ADAMTS18: variants seen among roughly 807,000 people sequenced by gnomAD.
ADAMTS18 encodes A disintegrin and metalloproteinase with thrombospondin motifs 18.
ADAMTS18 carries 157 observed loss-of-function variants against 165.9 expected under a neutral mutation model. The observed-to-expected ratio is 0.95, with a 90% CI of 0.83 to 1.08. The LOEUF is 1.08. ADAMTS18 is among the 50% of genes least tolerant of loss of function. The pLI is 0.00. For synonymous variants in ADAMTS18, 782 were observed against 578.2 expected (o/e 1.35, Z -5.06); for missense variants, 2,040 against 1,534.0 (o/e 1.33, Z -5.51).
intron 3 of ADAMTS18, among the ~76,000 whole-genome samples, chr16:77,427,864 G>C (rs16945691): frequency 0.014 from 2,202 of 152,266 alleles, 54 homozygotes; most frequent in African/African-American, 0.05. Flanking sequence ...AAGGCTAACA[G>C]TCTGCTAGCA....
chr16:77,362,594 T>C (rs1396969879), intron 6 of ADAMTS18, among the ~76,000 whole-genome samples: 2 of 152,208 alleles, frequency 1.3e-5, no homozygotes, highest in Non-Finnish European at 2.9e-5. Flanking sequence ...AAATTAATGA[T>C]GAAGTTCAAT....
intron 3 of ADAMTS18, among the ~76,000 whole-genome samples, chr16:77,378,471 T>C (rs934116190): frequency 2.6e-4 from 40 of 152,076 alleles, no homozygotes; most frequent in African/African-American, 8.9e-4. Flanking sequence ...TCCCAGCATG[T>C]TGGGAGGCTG....
chr16:77,342,186 C>A (rs1407865286), intron 10 of ADAMTS18, among the ~76,000 whole-genome samples: 2 of 152,174 alleles, frequency 1.3e-5, no homozygotes, highest in East Asian at 3.8e-4. Flanking sequence ...TGGTTTCATG[C>A]CCTATGGACA....
intron 8 of ADAMTS18, 138 bp downstream of exon 8, chr16:77,359,180 T>A: frequency 1.3e-6 from 1 of 798,462 alleles, no homozygotes; most frequent in South Asian, 1.5e-5. Context: ...GAGCCCTTTG[T>A]ATAGTCAGAA....
rs200586457 is a variant in ADAMTS18 at position 77,353,793 on chromosome 16, G to C, written c.1554C>G (p.Asp518Glu). 1.2e-6 allele frequency: 2 copies of C among 1,614,168 alleles called. No homozygotes were observed. The highest frequency in any genetic ancestry group is 2.2e-5 in the East Asian group (1 of 44,868). Residue 518 changes from aspartate to glutamate, a missense_variant, in exon 10 of 23, where the codon GAC (aspartate) becomes GAG (glutamate). Physicochemically the swap from Asp to Glu is conservative, Grantham distance 45. Coordinates refer to ENST00000282849, the MANE Select transcript of ADAMTS18 (RefSeq NM_199355.4). ...CTCCAAATTGCCATTTACACTGTGT[G>C]TCAGCATCATAAATCTGTCCTGGTA... is the stretch of plus-strand genomic sequence containing the variant. ...DKLPGQIYDA[D>E]TQCKWQFGAK...
At chr16:77,355,902 C>A in intron 9 of ADAMTS18, 38 bp downstream of exon 9, 1 of 1,613,512 alleles carries the variant, frequency 6.2e-7, no homozygotes. Flanking sequence ...TGTCATCACT[C>A]CAAACCTAGG....
chr16:77,326,143 G>T lies in ADAMTS18; in HGVS notation c.1860-105C>A, dbSNP rs2056092326. The T allele has an allele frequency of 5.6e-6, 6 of 1,070,910 alleles. No homozygotes were observed. The South Asian group carries it at 6.7e-5, about 12-fold the overall frequency. The allele number at this position is 1,070,910 out of a possible 1,614,324, so 66.3% of individuals were successfully genotyped here. ...CAATGAAGATGAGCACTGCCACAGTGTATGCAAAGGCATACAGTCTATTAC... is the reference window on the plus strand; with the variant it reads ...CAATGAAGATGAGCACTGCCACAGTTTATGCAAAGGCATACAGTCTATTAC... On this transcript the variant is annotated intron_variant, in intron 12 of 22. Transcript: ENST00000282849.
chr16:77,327,482 A>T (rs1223552977), intron 12 of ADAMTS18, among the ~76,000 whole-genome samples: 1 of 152,230 alleles, frequency 6.6e-6, no homozygotes, highest in South Asian at 2.1e-4. Flanking sequence ...AATTGCAAAA[A>T]TATGGAACCA....
At chr16:77,387,183 CT>C (rs1393513585) in intron 3 of ADAMTS18, among the ~76,000 whole-genome samples, 1 of 152,154 alleles carries the variant, frequency 6.6e-6, no homozygotes, top group Non-Finnish European at 1.5e-5. Context: ...CTTTTTCCTC[CT>C]GCTGTCATCG....
At chr16:77,434,538 G>T (rs1231682377) in intron 1 of ADAMTS18, 33 bp from the exon 2 acceptor site, 1 of 1,536,906 alleles carries the variant, frequency 6.5e-7, no homozygotes, top group African/African-American at 1.4e-5. Context: ...GCGCGTGAGG[G>T]GCGCGGCGGG....
At chr16:77,343,810 C>T (rs1386387795) in intron 10 of ADAMTS18, among the ~76,000 whole-genome samples, 1 of 152,148 alleles carries the variant, frequency 6.6e-6, no homozygotes, top group Admixed American at 6.5e-5. Context: ...TGTTGTGAAA[C>T]ATTGTGAAAG....
intron 12 of ADAMTS18, among the ~76,000 whole-genome samples, chr16:77,328,174 C>T (rs1364698182): frequency 6.6e-6 from 1 of 151,908 alleles, no homozygotes; most frequent in Non-Finnish European, 1.5e-5. Context: ...TCTGCAAAAA[C>T]CAGAAAGCAA....
At chr16:77,404,917 G>A (rs1041653906) in intron 3 of ADAMTS18, among the ~76,000 whole-genome samples, 1 of 152,186 alleles carries the variant, frequency 6.6e-6, no homozygotes, top group Non-Finnish European at 1.5e-5. Flanking sequence ...CACAGTCTGG[G>A]AGTATCACAG....
chr16:77,342,029 G>A (rs1201269707), intron 10 of ADAMTS18, among the ~76,000 whole-genome samples: 2 of 152,160 alleles, frequency 1.3e-5, no homozygotes, highest in Non-Finnish European at 2.9e-5. Flanking sequence ...GTAACAGCTG[G>A]TAGGTAGCAA....
intron 3 of ADAMTS18, among the ~76,000 whole-genome samples, chr16:77,397,169 G>C (rs1240356035): frequency 2.0e-5 from 3 of 152,052 alleles, no homozygotes; most frequent in South Asian, 4.1e-4. Context: ...TCTACATGTA[G>C]AGTAAAGAAA....
chr16:77,400,190 C>G (rs960960443), intron 3 of ADAMTS18, among the ~76,000 whole-genome samples: 48 of 152,188 alleles, frequency 3.2e-4, no homozygotes, highest in African/African-American at 1.1e-3. Context: ...CTCCTCACAT[C>G]TCAGCTCCAG....
chr16:77,369,698 T>G (rs1224672310), intron 3 of ADAMTS18, among the ~76,000 whole-genome samples: 1 of 152,210 alleles, frequency 6.6e-6, no homozygotes, highest in Non-Finnish European at 1.5e-5. Flanking sequence ...CTTTGCAAAC[T>G]ATTGAAAACA....
Position 77,282,906 on chromosome 16 carries a change from C to CTCTTTTTTT in ADAMTS18, c.*1049_*1050insAAAAAAAGA, listed in dbSNP as rs527534262. On this transcript the variant is annotated 3_prime_UTR_variant, in exon 23 of 23. Coordinates refer to ENST00000282849, the MANE Select transcript of ADAMTS18 (RefSeq NM_199355.4). ...CCACTGTTTACTCCTTTCTTTCTCT[C>CTCTTTTTTT]TTTTTTTTTTTTTTTTTTTTGCTGT... is the stretch of plus-strand genomic sequence containing the variant. 1.8e-4 allele frequency: 14 copies of CTCTTTTTTT among 77,544 alleles called. No individual in the cohort carries two copies. Among genetic ancestry groups the CTCTTTTTTT allele is most frequent in the East Asian group, 3.2e-4 (1 of 3,116 alleles). The allele number at this position is 77,544 out of a possible 1,614,324, so 4.8% of individuals were successfully genotyped here.
chr16:77,411,255 T>C (rs1394918524), intron 3 of ADAMTS18, among the ~76,000 whole-genome samples: 1 of 152,132 alleles, frequency 6.6e-6, no homozygotes, highest in African/African-American at 2.4e-5. Context: ...CCCTGACATA[T>C]ATATATCTCC....
Sources: gnomAD v4.1 joint callset for allele counts (sites outside exome capture counted in the v4.1 genomes callset) on GRCh38, gnomAD v4.1.1 for gene constraint, MANE v1.5 for transcripts, NCBI Gene and HGNC (gene_info 2026-07-23, HGNC 2026-07-21) for gene names.